Variants in TMC6 observed in about 807,000 individuals in gnomAD.
TMC6 encodes transmembrane channel-like protein 6.
In TMC6, 71 loss-of-function variants were observed where a neutral mutation model predicts 95.4. That is an observed-to-expected ratio of 0.74 (90% CI 0.61 to 0.91). The LOEUF (loss-of-function observed/expected upper bound fraction) is 0.91, where lower values mean the gene tolerates loss of function less well. Among genes scored for constraint, TMC6 ranks in the 40% least tolerant of loss-of-function variants. The pLI is 0.00. For synonymous variants in TMC6, 514 were observed against 483.1 expected, an observed-to-expected ratio of 1.06 and a Z score of -0.84; for missense variants, 1,074 against 1,079.1, an observed-to-expected ratio of 1.00 and a Z score of 0.07.
At chr17:78,119,225 T>G (rs1598843402) in intron 14 of TMC6, 72 bp downstream of exon 14, 10 of 1,581,582 alleles carry the variant, frequency 6.3e-6, no homozygotes. Context: ...GGGAGGCAGG[T>G]ACAGGACCCC....
rs75418633 is a variant in TMC6, at chr17:78,112,507, C to T, written c.*641G>A. ...CAGCCCCACCTCACCAAGCCCTGTT[C>T]GCCTCCAAGCACAGGTGCTGGTTAC... On this transcript the variant is annotated 3_prime_UTR_variant, in exon 20 of 20. Coordinates refer to ENST00000590602, the MANE Select transcript of TMC6 (RefSeq NM_001127198.5). 10 of 162,468 alleles carry T rather than the reference C, an allele frequency of 6.2e-5. No homozygotes were observed. The highest frequency in any genetic ancestry group is 1.4e-4 in the Non-Finnish European group (10 of 73,534). The allele number at this position is 162,468 out of a possible 1,614,324, so 10.1% of individuals were successfully genotyped here. A position where few individuals can be genotyped will look rare whatever the true frequency, so the allele number is the denominator to read the frequency against.
At position 78,124,743 on chromosome 17, in the gene TMC6, C is replaced by A; in HGVS notation, c.672G>T (p.Leu224=). The A allele has an allele frequency of 6.3e-7, 1 of 1,586,448 alleles. No homozygotes were observed. Residue 224 remains leucine, a synonymous_variant, in exon 8 of 20, where the codon CTG becomes CTT. Coordinates refer to ENST00000590602, the MANE Select transcript of TMC6 (RefSeq NM_001127198.5). ...HSLGLALLSA[L]QALMPWRYAL... ...CGTAGCGCCACGGCATCAGGGCCTG[C>A]AGGGCGGAGAGCAGCGCCAGGCCCA... is the stretch of plus-strand genomic sequence containing the variant.
intron 18 of TMC6, among the ~76,000 whole-genome samples, chr17:78,115,178 TTGGGACGAGC>T (rs1198582108): frequency 1.3e-5 from 2 of 152,164 alleles, no homozygotes; most frequent in Non-Finnish European, 2.9e-5. Flanking sequence ...CCATGAGTGC[TTGGGACGAGC>T]TGGGACGAGC....
chr17:78,123,870 A>C, intron 9 of TMC6, 119 bp downstream of exon 9: 3 of 1,348,506 alleles, frequency 2.2e-6, no homozygotes, highest in Non-Finnish European at 3.1e-6. Context: ...AGTGGATGAG[A>C]GCAGACAGGT....
In TMC6 at chr17:78,122,602, C is replaced by T. The variant is rs1567995167; in HGVS notation, c.1227+3G>A. On this transcript the variant is annotated splice_donor_region_variant and intron_variant, in intron 10 of 19. Coordinates refer to ENST00000590602, the MANE Select transcript of TMC6 (RefSeq NM_001127198.5). This position sits in a 1 kb window ranked among gnomAD's most constrained non-coding sequence, Gnocchi z 4.9. The stretch of plus-strand genomic sequence containing the variant: ...GCCAGCTTGGTGCTCCGGGGCCACT[C>T]ACCTTCAGCCGGGTGCGAATATTGT... The T allele has an allele frequency of 6.2e-7, 1 of 1,609,384 alleles. No individual in the cohort carries two copies. Among genetic ancestry groups the T allele is most frequent in the South Asian group, 1.1e-5 (1 of 91,058 alleles).
chr17:78,118,944 G>A (rs1408676788), intron 15 of TMC6, 27 bp downstream of exon 15: 17 of 1,575,534 alleles, frequency 1.1e-5, no homozygotes, highest in Non-Finnish European at 1.5e-5. Flanking sequence ...TGCCAGCCCA[G>A]CCCTCCCCAG....
chr17:78,120,623 CACCACCCAG>C, intron 13 of TMC6, 21 bp downstream of exon 13: 1 of 1,613,938 alleles, frequency 6.2e-7, no homozygotes, highest in Non-Finnish European at 8.5e-7. Context: ...GGAGAACACT[CACCACCCAG>C]TCCGCCCAGG....
At chr17:78,131,300 G>A, upstream of TMC6, 1 of 550,352 alleles carries the variant, frequency 1.8e-6, no homozygotes, top group Non-Finnish European at 3.3e-6. Flanking sequence ...CTGAGGCCGT[G>A]GCTGTGTGTC....
At chr17:78,113,406 C>A in intron 19 of TMC6, 142 bp downstream of exon 19, 1 of 1,240,560 alleles carries the variant, frequency 8.1e-7, no homozygotes, top group East Asian at 2.5e-5. Flanking sequence ...AAGGTGGGCG[C>A]CGGGGGGGAG....
intron 17 of TMC6, 52 bp from the exon 18 acceptor site, chr17:78,117,399 C>A: frequency 6.2e-7 from 1 of 1,612,224 alleles, no homozygotes; most frequent in Admixed American, 1.7e-5. Flanking sequence ...CCGGGAGCGG[C>A]CAGTCCCCAC....
Position 78,117,849 on chromosome 17 carries a change from G to A in TMC6, c.1974C>T (p.Phe658=), listed in dbSNP as rs1201476972. 1 of 1,608,378 alleles carries A rather than the reference G, an allele frequency of 6.2e-7. No individual in the cohort carries two copies. Among genetic ancestry groups the A allele is most frequent in the Non-Finnish European group, 8.5e-7 (1 of 1,177,680 alleles). ...MSTVFLTLLC[F]PAFLGAAVFL... is the part of the protein sequence containing the mutation. ...AGACAGCGGCGCCCAGGAAGGCGGG[G>A]AAGCAGAGCAGCGTGAGGAAGACGG... is the stretch of plus-strand genomic sequence containing the variant. The change falls in exon 16 of 20, where the codon TTC becomes TTT. Residue 658 remains phenylalanine (F), a synonymous_variant. Transcript: ENST00000590602.
rs1477757480 is a variant in TMC6 at position 78,109,403 on chromosome 17, A to G, written c.*3745T>C. ...TGGAAACAAAGCTGCTTAGCTCTGC[A>G]TATCAGTGCTTCTCGGCGGAGCTGT... is the stretch of plus-strand genomic sequence containing the variant. On this transcript the variant is annotated 3_prime_UTR_variant, in exon 20 of 20. Coordinates refer to ENST00000590602, the MANE Select transcript of TMC6 (RefSeq NM_001127198.5). 4 of 455,848 alleles carry G rather than the reference A, an allele frequency of 8.8e-6. No homozygotes were observed. The highest frequency in any genetic ancestry group is 2.0e-5 in the African/African-American group (1 of 49,986). The allele number at this position is 455,848 out of a possible 1,614,324, so 28.2% of individuals were successfully genotyped here.
rs538139179 is a variant in TMC6 at position 78,108,350 on chromosome 17, A to C, written c.*4798T>G. On this transcript the variant is annotated 3_prime_UTR_variant, in exon 20 of 20. Coordinates refer to ENST00000590602, the MANE Select transcript of TMC6 (RefSeq NM_001127198.5). ...CATTGAGTGGGACCTAATCCGGAGAAGAAATTAAAGACCAGAAAAAGAAGG... is the reference window on the plus strand; with the variant it reads ...CATTGAGTGGGACCTAATCCGGAGACGAAATTAAAGACCAGAAAAAGAAGG... 2 of 154,962 alleles carry C rather than the reference A, an allele frequency of 1.3e-5. No homozygotes were observed. The highest frequency in any genetic ancestry group is 3.9e-4 in the East Asian group (2 of 5,180). The allele number at this position is 154,962 out of a possible 1,614,324, so 9.6% of individuals were successfully genotyped here.
At chr17:78,120,560 T>A in intron 13 of TMC6, 93 bp downstream of exon 13, 3 of 1,578,254 alleles carry the variant, frequency 1.9e-6, no homozygotes, top group Non-Finnish European at 1.7e-6. Context: ...AGGGCCCTGA[T>A]GGGAAAGGTC....
In TMC6 at chr17:78,125,021, T is replaced by C. The variant is rs2074631083; in HGVS notation, c.537-36A>G. The C allele has an allele frequency of 1.9e-6, 3 of 1,553,810 alleles. No homozygotes were observed. In the African/African-American group the frequency reaches 4.1e-5, roughly 21 times the overall value. ...AGGCAGCCATAGGTGCCTGGACCAA[T>C]GAGGGGCCTGACTCTCTCCTTCCTG... On this transcript the variant is annotated intron_variant, in intron 6 of 19. Transcript: ENST00000590602.
rs2073848687 is a variant in TMC6 at position 78,112,444 on chromosome 17, AC to A, written c.*703del. The A allele has an allele frequency of 1.2e-5, 2 of 161,630 alleles. No homozygotes were observed. The highest frequency in any genetic ancestry group is 2.7e-5 in the Non-Finnish European group (2 of 73,264). The allele number at this position is 161,630 out of a possible 1,614,324, so 10.0% of individuals were successfully genotyped here. ...CAGCCCAGTCAGACCCAGGATCACC[AC>A]CCCCCAGCCAGCTGCTGGCAGCCAG... On this transcript the variant is annotated 3_prime_UTR_variant, in exon 20 of 20. Transcript: ENST00000590602.
At position 78,107,938 on chromosome 17, in the gene TMC6, C is replaced by T. The variant is rs1160092067; in HGVS notation, c.*5210G>A. 6.6e-6 allele frequency: 1 copy of T among 152,196 alleles called. No individual in the cohort carries two copies. The highest frequency in any genetic ancestry group is 1.5e-5 in the Non-Finnish European group (1 of 68,052). 9.4% of individuals were successfully genotyped at this position (152,196 alleles called of 1,614,324 possible). On this transcript the variant is annotated 3_prime_UTR_variant, in exon 20 of 20. Transcript: ENST00000590602. ...GTAAAATCACCTTCGCTAACTTTCA[C>T]CAAGCACTTTGAGCACAGTGGAACT...
chr17:78,119,131 T>G (rs993802850), intron 14 of TMC6, 85 bp from the exon 15 acceptor site: 7 of 1,506,564 alleles, frequency 4.6e-6, no homozygotes, highest in African/African-American at 2.8e-5. Context: ...GGGCAGGGCA[T>G]GTGACAGTGG....
intron 18 of TMC6, among the ~76,000 whole-genome samples, chr17:78,114,386 T>C (rs978382147): frequency 1.3e-5 from 2 of 152,142 alleles, no homozygotes; most frequent in Non-Finnish European, 2.9e-5. Flanking sequence ...CTGGCAACTT[T>C]AATTCTACCT....
Sources: gnomAD v4.1 joint callset for allele counts (sites outside exome capture counted in the v4.1 genomes callset) on GRCh38, gnomAD v4.1.1 for gene constraint, Gnocchi (gnomAD v3.1) non-coding constraint, MANE v1.5 for transcripts, NCBI Gene and HGNC (gene_info 2026-07-23, HGNC 2026-07-21) for gene names.